The following SLC11A2 variants were observed in gnomAD, a reference collection of about 807,000 sequenced individuals.
SLC11A2 encodes the protein solute carrier family 11 member 2.
Under a neutral mutation model 68.0 loss-of-function variants are expected in SLC11A2, and 38 were observed. The ratio of observed to expected loss-of-function variants is 0.56; its 90% CI spans 0.43 to 0.73. SLC11A2 has a LOEUF of 0.73. SLC11A2 is among the 30% of genes least tolerant of loss of function. SLC11A2 has a pLI of 0.00. For missense variants in SLC11A2, 517 were observed against 690.5 expected (o/e 0.75, Z 2.82); for synonymous variants, 242 against 250.6 (o/e 0.97, Z 0.32).
rs1433482436 is a variant in SLC11A2 at position 50,987,295 on chromosome 12, G to A, written c.*1030C>T. ...TGAGAAAGACAGTGTGCTTTGCAAC[G>A]GTTAAGTCCACAGCTCCTGAGATTG... On this transcript the variant is annotated 3_prime_UTR_variant, in exon 16 of 16. Transcript: ENST00000262052. 5 of 1,287,068 alleles carry A rather than the reference G, an allele frequency of 3.9e-6. No homozygotes were observed. The African/African-American group carries it at 7.6e-5, about 20-fold the overall frequency. The allele number at this position is 1,287,068 out of a possible 1,614,324, so 79.7% of individuals were successfully genotyped here. A position where few individuals can be genotyped will look rare whatever the true frequency, so the allele number is the denominator to read the frequency against.
At position 50,987,503 on chromosome 12, in the gene SLC11A2, TC is replaced by T; in HGVS notation, c.*821del. 4 of 1,287,200 alleles carry T rather than the reference TC, an allele frequency of 3.1e-6. No homozygotes were observed. The highest frequency in any genetic ancestry group is 4.0e-6 in the Non-Finnish European group (4 of 988,676). The allele number at this position is 1,287,200 out of a possible 1,614,324, so 79.7% of individuals were successfully genotyped here. ...CTACCATCTGTTTCTATCACCACCC[TC>T]CTGGAGAAAGAAAGTTAAGGTTTTA... On this transcript the variant is annotated 3_prime_UTR_variant, in exon 16 of 16. Coordinates refer to ENST00000262052, the MANE Select transcript of SLC11A2 (RefSeq NM_000617.3).
At chr12:51,008,068 G>A (rs1942878718) in intron 3 of SLC11A2, 2 of 165,652 alleles carry the variant, frequency 1.2e-5, no homozygotes, top group Non-Finnish European at 1.3e-5. Context: ...GCCTGGCATG[G>A]TGGCATGCCA....
At position 50,987,346 on chromosome 12, in the gene SLC11A2, G is replaced by T; in HGVS notation, c.*979C>A. On this transcript the variant is annotated 3_prime_UTR_variant, in exon 16 of 16. Coordinates refer to ENST00000262052, the MANE Select transcript of SLC11A2 (RefSeq NM_000617.3). ...CCTCGCAAGTCATCTTGGGCATGAA[G>T]CAGAGCGGTGCATCAGAAAAACATG... is the stretch of plus-strand genomic sequence containing the variant. 1.6e-6 allele frequency: 2 copies of T among 1,287,222 alleles called. No individual in the cohort carries two copies. Among genetic ancestry groups the T allele is most frequent in the Non-Finnish European group, 2.0e-6 (2 of 988,692 alleles). The allele number at this position is 1,287,222 out of a possible 1,614,324, so 79.7% of individuals were successfully genotyped here. A position where few individuals can be genotyped will look rare whatever the true frequency, so the allele number is the denominator to read the frequency against.
chr12:50,962,035 G>C, the SLC11A2 span, among the ~76,000 whole-genome samples: 2 of 152,152 alleles, frequency 1.3e-5, no homozygotes, highest in Non-Finnish European at 2.9e-5. Context: ...AGTCTCCTTA[G>C]GAAGACAGAC....
At chr12:50,974,054 G>A in the SLC11A2 span, among the ~76,000 whole-genome samples, 3 of 152,174 alleles carry the variant, frequency 2.0e-5, no homozygotes, top group Admixed American at 6.5e-5. Flanking sequence ...AACCAAGTTG[G>A]AAAACACTCT....
chr12:51,018,770 CAAATAAAT>C (rs928233294), intron 1 of SLC11A2, among the ~76,000 whole-genome samples: 1 of 151,962 alleles, frequency 6.6e-6, no homozygotes, highest in Non-Finnish European at 1.5e-5. Flanking sequence ...CTGTCATAAA[CAAATAAAT>C]AAATAAATAA....
chr12:51,008,188 G>C (rs144411841), intron 3 of SLC11A2: 22 of 342,636 alleles, frequency 6.4e-5, no homozygotes, highest in Admixed American at 1.6e-4. Flanking sequence ...CTAGATGACA[G>C]AGCAAGACCC....
the SLC11A2 span, among the ~76,000 whole-genome samples, chr12:50,972,735 T>C: frequency 6.6e-6 from 1 of 152,358 alleles, no homozygotes. Context: ...AGAATTCCCT[T>C]TCCTAGCCAA....
the SLC11A2 span, among the ~76,000 whole-genome samples, chr12:50,952,839 C>T: frequency 1.3e-5 from 2 of 152,178 alleles, no homozygotes; most frequent in South Asian, 4.1e-4. Context: ...TATCTTCTCC[C>T]CTTCCCCTCC....
downstream of SLC11A2, among the ~76,000 whole-genome samples, chr12:50,978,005 A>G (rs2136113796): frequency 6.6e-6 from 1 of 152,322 alleles, no homozygotes; most frequent in South Asian, 2.1e-4. Flanking sequence ...CAGGTACTAG[A>G]GAGGATGCAG....
chr12:50,981,186 T>A (rs903475531), downstream of SLC11A2: 10 of 152,312 alleles, frequency 6.6e-5, no homozygotes, highest in African/African-American at 2.2e-4. Context: ...AAGGATATAA[T>A]CTGGTTGACT....
At chr12:50,961,207 TGA>T in the SLC11A2 span, 3 of 1,200,438 alleles carry the variant, frequency 2.5e-6, no homozygotes, top group Non-Finnish European at 2.4e-6. Flanking sequence ...AATGATGTAA[TGA>T]GAGAGGGGTA....
chr12:50,998,232 G>A (rs150354031), intron 8 of SLC11A2, among the ~76,000 whole-genome samples: 14 of 151,486 alleles, frequency 9.2e-5, no homozygotes, highest in Middle Eastern at 3.4e-3. Context: ...GGTGGTACAC[G>A]CCAATAATCC....
At chr12:51,019,738 C>A (rs1943909948) in intron 1 of SLC11A2, among the ~76,000 whole-genome samples, 1 of 151,362 alleles carries the variant, frequency 6.6e-6, no homozygotes, top group Non-Finnish European at 1.5e-5. Flanking sequence ...GCTTCAACCT[C>A]CTGGGCTCAA....
intron 1 of SLC11A2, among the ~76,000 whole-genome samples, chr12:51,015,814 T>C (rs1397716762): frequency 1.3e-5 from 2 of 152,188 alleles, no homozygotes; most frequent in African/African-American, 4.8e-5. Flanking sequence ...ACCCATTAAG[T>C]TTCTTCCTAT....
At position 51,008,551 on chromosome 12, in the gene SLC11A2, A is replaced by C; in HGVS notation, c.108T>G (p.Leu36=). 6 of 1,611,812 alleles carry C rather than the reference A, an allele frequency of 3.7e-6. No individual in the cohort carries two copies. Among genetic ancestry groups the C allele is most frequent in the Non-Finnish European group, 3.4e-6 (4 of 1,177,956 alleles). Reference sequence around the variant, plus strand: ...CCTCTGAGTCCCCAGGGGACTGTGAAAGAGAGGGATTACTATAGGCAGGGT... The same window carrying C: ...CCTCTGAGTCCCCAGGGGACTGTGACAGAGAGGGATTACTATAGGCAGGGT... ...NINPAYSNPS[L]SQSPGDSEEY... The change falls in exon 3 of 16, where the codon CTT becomes CTG. Residue 36 remains leucine (L), a synonymous_variant. Coordinates refer to ENST00000262052, the MANE Select transcript of SLC11A2 (RefSeq NM_000617.3).
chr12:51,017,139 TA>T (rs552891053), intron 1 of SLC11A2, among the ~76,000 whole-genome samples: 59 of 145,222 alleles, frequency 4.1e-4, no homozygotes, highest in Middle Eastern at 3.5e-3. Flanking sequence ...ATGTATTCTT[TA>T]AAAAAAAAAA....
upstream of SLC11A2, among the ~76,000 whole-genome samples, chr12:51,027,909 A>G (rs1260221457): frequency 8.0e-5 from 1 of 12,508 alleles, no homozygotes; most frequent in African/African-American, 1.5e-4. Flanking sequence ...TCGGGGACCA[A>G]AAAAAAGTGG....
intron 1 of SLC11A2, chr12:51,025,573 T>C (rs1181679651): frequency 1.1e-5 from 2 of 187,064 alleles, no homozygotes; most frequent in Non-Finnish European, 2.0e-5. Context: ...TCTCCTTCCA[T>C]ATAATTTTTG....
Sources: gnomAD v4.1 joint callset for allele counts (sites outside exome capture counted in the v4.1 genomes callset) on GRCh38, gnomAD v4.1.1 for gene constraint, MANE v1.5 for transcripts, NCBI Gene and HGNC (gene_info 2026-07-23, HGNC 2026-07-21) for gene names.